Variants in ANXA10 observed in about 807,000 individuals in gnomAD.
ANXA10 encodes the protein annexin 14.
Under a neutral mutation model 53.5 loss-of-function variants are expected in ANXA10, and 49 were observed. The observed-to-expected ratio is 0.92, with a 90% CI of 0.73 to 1.16. The LOEUF (loss-of-function observed/expected upper bound fraction) is 1.16. Among genes scored for constraint, ANXA10 ranks in the 50% most tolerant of loss-of-function variants. The pLI is 0.00. For synonymous variants in ANXA10, 131 were observed against 128.9 expected, an observed-to-expected ratio of 1.02 and a Z score of -0.11; for missense variants, 393 against 394.4, an observed-to-expected ratio of 1.00 and a Z score of 0.03.
chr4:168,181,236 A>G (rs1472904564), intron 9 of ANXA10, among the ~76,000 whole-genome samples: 1 of 151,956 alleles, frequency 6.6e-6, no homozygotes, highest in African/African-American at 2.4e-5. Context: ...CTAAAAATAC[A>G]AAAAGTTAGC....
At chr4:168,128,798 T>G (rs1252434893) in intron 2 of ANXA10, among the ~76,000 whole-genome samples, 1 of 152,020 alleles carries the variant, frequency 6.6e-6, no homozygotes, top group East Asian at 1.9e-4. Context: ...TGCACTGTGC[T>G]TATGTTTGTC....
intron 3 of ANXA10, among the ~76,000 whole-genome samples, chr4:168,140,222 T>C (rs191885323): frequency 1.3e-5 from 2 of 152,212 alleles, no homozygotes; most frequent in Non-Finnish European, 2.9e-5. Flanking sequence ...GAACAAAAAC[T>C]CTTCAGGCCA....
At chr4:168,180,042 A>G (rs917595895) in intron 9 of ANXA10, among the ~76,000 whole-genome samples, 3 of 152,176 alleles carry the variant, frequency 2.0e-5, no homozygotes, top group Non-Finnish European at 4.4e-5. Flanking sequence ...AGTTGAATAA[A>G]TGAATATTGT....
rs369258358 is a variant in ANXA10 at position 168,096,157 on chromosome 4, G to A, written c.18+3439G>A. Among the ~76,000 whole-genome samples the A allele has an allele frequency of 2.7e-3, 405 of 152,290 alleles. 2 individuals are homozygous for A. Among genetic ancestry groups the A allele is most frequent in the African/African-American group, 9.0e-3 (373 of 41,570 alleles). On this transcript the variant is annotated intron_variant, in intron 1 of 11. Transcript: ENST00000359299. ...TGCAGACTGACAAGACATCTCATGG[G>A]AGGAGAGGCTGTTGATAAGGCAAGA...
intron 3 of ANXA10, among the ~76,000 whole-genome samples, chr4:168,155,118 C>T (rs111821716): frequency 6.8e-6 from 1 of 148,112 alleles, no homozygotes; most frequent in East Asian, 1.9e-4. Flanking sequence ...TGTCCTGAAA[C>T]ATTATTTATT....
At chr4:168,181,834 C>A (rs946209098) in intron 10 of ANXA10, 93 bp downstream of exon 10, 2 of 988,582 alleles carry the variant, frequency 2.0e-6, no homozygotes, top group African/African-American at 3.2e-5. Flanking sequence ...ATGTTCATTA[C>A]CATTTTTGAA....
intron 1 of ANXA10, among the ~76,000 whole-genome samples, chr4:168,121,915 CTCACGGCAA>C (rs1730991857): frequency 6.6e-6 from 1 of 152,192 alleles, no homozygotes; most frequent in African/African-American, 2.4e-5. Context: ...GCAGTCTCCA[CTCACGGCAA>C]CCTCCACCTC....
intron 1 of ANXA10, among the ~76,000 whole-genome samples, chr4:168,125,746 C>T (rs1431407454): frequency 1.3e-5 from 2 of 152,092 alleles, no homozygotes; most frequent in Non-Finnish European, 1.5e-5. Context: ...GATACCTATT[C>T]GCAGAGGTGG....
chr4:168,165,002 T>C (rs1034750890), intron 5 of ANXA10, among the ~76,000 whole-genome samples: 18 of 152,172 alleles, frequency 1.2e-4, no homozygotes, highest in African/African-American at 4.3e-4. Context: ...TCAGAGAATG[T>C]GAAATGACTC....
chr4:168,137,568 G>A (rs1321047618), intron 2 of ANXA10, among the ~76,000 whole-genome samples: 1 of 152,058 alleles, frequency 6.6e-6, no homozygotes, highest in African/African-American at 2.4e-5. Flanking sequence ...TAGGATAATG[G>A]CCTCTGATTC....
chr4:168,185,633 GTGGAAAATAAAAA>G (rs1732356168), intron 11 of ANXA10, among the ~76,000 whole-genome samples: 1 of 152,206 alleles, frequency 6.6e-6, no homozygotes, highest in Non-Finnish European at 1.5e-5. Flanking sequence ...TGAGAGCCTA[GTGGAAAATAAAAA>G]TGCTTGGCAC....
rs190515930 is a variant in ANXA10 at position 168,187,707 on chromosome 4, T to G, written c.*273T>G. On this transcript the variant is annotated 3_prime_UTR_variant, in exon 12 of 12. Transcript: ENST00000359299. ...ATAGAAAAATTGCATTGGAATAGAT[T>G]TTATTTAAATGTGAACCATCAACAA... 1.2e-4 allele frequency: 30 copies of G among 241,398 alleles called. No individual in the cohort carries two copies. In the Admixed American group the frequency reaches 1.4e-3, roughly 11 times the overall value. The allele number at this position is 241,398 out of a possible 1,614,324, so 15.0% of individuals were successfully genotyped here. A position where few individuals can be genotyped will look rare whatever the true frequency, so the allele number is the denominator to read the frequency against.
chr4:168,097,253 G>T (rs1041270086), intron 1 of ANXA10, among the ~76,000 whole-genome samples: 1 of 151,788 alleles, frequency 6.6e-6, no homozygotes, highest in Admixed American at 6.6e-5. Flanking sequence ...CAAATGCCCT[G>T]CCTGAACTGC....
Position 168,152,952 on chromosome 4 carries a change from T to A in ANXA10, c.196-9576T>A, listed in dbSNP as rs550510944. ...TCACCCTCACGGGCTCAGGTAATCC[T>A]CCCACCTCAGCCTCCAAGTAGCTAG... On this transcript the variant is annotated intron_variant, in intron 3 of 11. Transcript: ENST00000359299. Among the ~76,000 whole-genome samples the A allele has an allele frequency of 2.0e-3, 297 of 152,062 alleles. 1 individual carries two copies. Among genetic ancestry groups the A allele is most frequent in the African/African-American group, 7.0e-3 (291 of 41,500 alleles).
At chr4:168,143,551 T>C (rs1259763529) in intron 3 of ANXA10, among the ~76,000 whole-genome samples, 1 of 152,186 alleles carries the variant, frequency 6.6e-6, no homozygotes, top group Non-Finnish European at 1.5e-5. Flanking sequence ...ATGAGGTCAC[T>C]TCTGATCTTC....
At chr4:168,177,056 T>C (rs1203267305) in intron 6 of ANXA10, among the ~76,000 whole-genome samples, 2 of 152,080 alleles carry the variant, frequency 1.3e-5, no homozygotes, top group Non-Finnish European at 2.9e-5. Flanking sequence ...TCTCTTAACA[T>C]AGTTGGAGCA....
chr4:168,138,599 C>T (rs903739381), intron 2 of ANXA10, among the ~76,000 whole-genome samples: 4 of 152,018 alleles, frequency 2.6e-5, no homozygotes, highest in African/African-American at 9.7e-5. Context: ...TCCATATGAA[C>T]TTTAGGATTG....
At chr4:168,162,750 G>A in intron 4 of ANXA10, 109 bp downstream of exon 4, 1 of 810,680 alleles carries the variant, frequency 1.2e-6, no homozygotes, top group Non-Finnish European at 2.1e-6. Flanking sequence ...AAGGAGAGGG[G>A]AGGGAATATC....
chr4:168,092,557 T>C lies in ANXA10; in HGVS notation c.-144T>C. On this transcript the variant is annotated 5_prime_UTR_variant, in exon 1 of 12. Transcript: ENST00000359299. ...GCTGTATCCAGATTTGCTTTTACAT[T>C]TTCTTGCCTGAGTCTGAGGTGAACA... 1.3e-6 allele frequency: 1 copy of C among 778,962 alleles called. No individual in the cohort carries two copies. Among genetic ancestry groups the C allele is most frequent in the Non-Finnish European group, 2.0e-6 (1 of 489,416 alleles). The allele number at this position is 778,962 out of a possible 1,614,324, so 48.3% of individuals were successfully genotyped here.
Sources: gnomAD v4.1 joint callset for allele counts (sites outside exome capture counted in the v4.1 genomes callset) on GRCh38, gnomAD v4.1.1 for gene constraint, MANE v1.5 for transcripts, NCBI Gene and HGNC (gene_info 2026-07-23, HGNC 2026-07-21) for gene names.